Variants in PRDM16 observed in about 807,000 individuals in gnomAD.
The protein encoded by PRDM16 is PR/SET domain 16.
PRDM16 carries 23 observed loss-of-function variants against 110.6 expected under a neutral mutation model. That is an observed-to-expected ratio of 0.21 (90% CI 0.15 to 0.29). The LOEUF (loss-of-function observed/expected upper bound fraction) is 0.29. Among genes scored for constraint, PRDM16 ranks in the 10% least tolerant of loss-of-function variants. The pLI, the probability that PRDM16 is intolerant of heterozygous loss-of-function variation, is 1.00. For missense variants in PRDM16, 1,615 were observed against 1,794.3 expected (o/e 0.90, Z 1.81); for synonymous variants, 799 against 781.8 (o/e 1.02, Z -0.37).
At chr1:3,119,084 C>G (rs1008727257) in intron 1 of PRDM16, among the ~76,000 whole-genome samples, 1 of 152,230 alleles carries the variant, frequency 6.6e-6, no homozygotes, top group Non-Finnish European at 1.5e-5. Context: ...TCTCTGTACC[C>G]TGTGCCCTCC....
chr1:3,088,552 G>A (rs1642202530), intron 1 of PRDM16, among the ~76,000 whole-genome samples: 2 of 150,690 alleles, frequency 1.3e-5, no homozygotes, highest in South Asian at 4.2e-4. Flanking sequence ...TGCAAGCTCC[G>A]CCTCCTGGGT....
intron 3 of PRDM16, among the ~76,000 whole-genome samples, chr1:3,347,471 G>T (rs545170351): frequency 2.4e-4 from 37 of 152,280 alleles, no homozygotes; most frequent in African/African-American, 8.7e-4. Flanking sequence ...GGAAGGCCCC[G>T]CCCTCCTGCG....
At chr1:3,282,001 G>A (rs1190330564) in intron 3 of PRDM16, among the ~76,000 whole-genome samples, 1 of 152,182 alleles carries the variant, frequency 6.6e-6, no homozygotes, top group African/African-American at 2.4e-5. Flanking sequence ...AAAGGCCTTG[G>A]GCTGCAGTCA....
At chr1:3,256,782 A>G (rs559197605) in intron 3 of PRDM16, among the ~76,000 whole-genome samples, 15 of 152,270 alleles carry the variant, frequency 9.9e-5, no homozygotes, top group Admixed American at 4.6e-4. Context: ...GCGTGAACCC[A>G]GGAGGCAGAG....
At chr1:3,179,152 TTC>T (rs1348629711) in intron 1 of PRDM16, among the ~76,000 whole-genome samples, 1 of 152,198 alleles carries the variant, frequency 6.6e-6, no homozygotes, top group African/African-American at 2.4e-5. Flanking sequence ...ACCACACATA[TTC>T]TCTCTGCTCT....
At chr1:3,277,765 GCGCACACACA>G (rs987303294) in intron 3 of PRDM16, among the ~76,000 whole-genome samples, 12 of 129,826 alleles carry the variant, frequency 9.2e-5, no homozygotes, top group Non-Finnish European at 1.6e-4. Flanking sequence ...ATGCACACAC[GCGCACACACA>G]CGCACACATA....
At chr1:3,194,647 CGCCACCGTCTCCCCGCCACAT>C (rs1162889237) in intron 2 of PRDM16, among the ~76,000 whole-genome samples, 56 of 125,494 alleles carry the variant, frequency 4.5e-4, no homozygotes, top group Non-Finnish European at 5.1e-4. Context: ...CCCCGCCACA[CGCCACCGTCTCCCCGCCACAT>C]GCCACCGTCT....
At chr1:3,158,091 A>G (rs1569715195) in intron 1 of PRDM16, among the ~76,000 whole-genome samples, 1 of 152,232 alleles carries the variant, frequency 6.6e-6, no homozygotes, top group Non-Finnish European at 1.5e-5. Flanking sequence ...AGATAGACAC[A>G]CATAAATGAT....
intron 3 of PRDM16, among the ~76,000 whole-genome samples, chr1:3,268,907 G>A (rs1640361627): frequency 6.6e-6 from 1 of 152,250 alleles, no homozygotes; most frequent in South Asian, 2.1e-4. Context: ...AACTTCAGCT[G>A]CTGTATTTTC....
intron 1 of PRDM16, among the ~76,000 whole-genome samples, chr1:3,137,059 AT>A (rs1451265393): frequency 6.6e-6 from 1 of 152,200 alleles, no homozygotes; most frequent in Non-Finnish European, 1.5e-5. Flanking sequence ...GGAAGGAGTC[AT>A]CCCATTTCAC....
intron 1 of PRDM16, among the ~76,000 whole-genome samples, chr1:3,147,152 T>C (rs1002238542): frequency 7.7e-5 from 11 of 143,526 alleles, no homozygotes; most frequent in Admixed American, 7.6e-4. Flanking sequence ...GTGTGCTCGG[T>C]GTGAGGTGTG....
chr1:3,277,924 A>G (rs1640628263), intron 3 of PRDM16, among the ~76,000 whole-genome samples: 1 of 152,186 alleles, frequency 6.6e-6, no homozygotes, highest in Non-Finnish European at 1.5e-5. Flanking sequence ...ACATGAGCAC[A>G]CGCACTTTTC....
intron 2 of PRDM16, among the ~76,000 whole-genome samples, chr1:3,228,164 G>A (rs1220037307): frequency 6.6e-6 from 1 of 152,252 alleles, no homozygotes; most frequent in Non-Finnish European, 1.5e-5. Flanking sequence ...TGTGTCCAGT[G>A]TGTGTCCTTC....
chr1:3,357,196 G>A (rs557274692), intron 3 of PRDM16, among the ~76,000 whole-genome samples: 30 of 152,258 alleles, frequency 2.0e-4, no homozygotes, highest in African/African-American at 5.1e-4. Context: ...ACCTGCGGGC[G>A]GACCTGGCTC....
intron 3 of PRDM16, among the ~76,000 whole-genome samples, chr1:3,275,114 C>T (rs1226171072): frequency 3.9e-5 from 6 of 152,198 alleles, no homozygotes; most frequent in African/African-American, 9.7e-5. Context: ...TGAAATGTGC[C>T]GCCAGGCACT....
In PRDM16 at chr1:3,080,643, C is replaced by T. The variant is rs1379451360; in HGVS notation, c.37+11347C>T. On this transcript the variant is annotated intron_variant, in intron 1 of 16. Coordinates refer to ENST00000270722, the MANE Select transcript of PRDM16 (RefSeq NM_022114.4). This position sits in a 1 kb window ranked among gnomAD's most constrained non-coding sequence, Gnocchi z 5.2. Reference sequence around the variant, plus strand: ...CAATCCATTTTGCAAAAACGGGAGGCCCGGGCCCCTAAGCTTGCAGCCTGA... The same window carrying T: ...CAATCCATTTTGCAAAAACGGGAGGTCCGGGCCCCTAAGCTTGCAGCCTGA... 6.6e-6 allele frequency among the ~76,000 whole-genome samples: 1 copy of T among 152,128 alleles called. No individual in the cohort carries two copies. Among genetic ancestry groups the T allele is most frequent in the Admixed American group, 6.5e-5 (1 of 15,272 alleles).
At chr1:3,384,567 C>T (rs754364810) in intron 3 of PRDM16, among the ~76,000 whole-genome samples, 9 of 152,214 alleles carry the variant, frequency 5.9e-5, no homozygotes, top group Non-Finnish European at 1.0e-4. Context: ...CAAGTTGGTT[C>T]GCGTGTGACT....
chr1:3,229,994 G>A (rs2817155), intron 2 of PRDM16, among the ~76,000 whole-genome samples: 44,741 of 152,060 alleles, frequency 0.29, 11,275 homozygotes, highest in African/African-American at 0.68. Flanking sequence ...CCTGGCGCCC[G>A]CGTTTAGTTT....
intron 1 of PRDM16, among the ~76,000 whole-genome samples, chr1:3,091,266 T>C (rs1400890362): frequency 6.6e-6 from 1 of 152,016 alleles, no homozygotes; most frequent in African/African-American, 2.4e-5. Flanking sequence ...GGTATGCGGA[T>C]GGGGAAACTG....
Sources: gnomAD v4.1 joint callset for allele counts (sites outside exome capture counted in the v4.1 genomes callset) on GRCh38, gnomAD v4.1.1 for gene constraint, Gnocchi (gnomAD v3.1) non-coding constraint, MANE v1.5 for transcripts, NCBI Gene and HGNC (gene_info 2026-07-23, HGNC 2026-07-21) for gene names.